Variants in SHQ1 observed in about 807,000 individuals in gnomAD.
SHQ1 encodes protein SHQ1 homolog.
SHQ1 carries 49 observed loss-of-function variants against 53.8 expected under a neutral mutation model. The observed-to-expected ratio is 0.91, with a 90% CI of 0.72 to 1.16. The LOEUF is 1.16. SHQ1 is among the 50% of genes most tolerant of loss of function. The probability of loss-of-function intolerance (pLI) is 0.00; values close to 1 mark genes in which losing one functional copy is unlikely to be tolerated. For missense variants in SHQ1, 738 were observed against 683.1 expected, an observed-to-expected ratio of 1.08 and a Z score of -0.90; for synonymous variants, 243 against 251.0, an observed-to-expected ratio of 0.97 and a Z score of 0.30.
At chr3:72,765,558 T>TATA (rs1491541493) in intron 10 of SHQ1, among the ~76,000 whole-genome samples, 67 of 63,456 alleles carry the variant, frequency 1.1e-3, no homozygotes, top group Middle Eastern at 6.8e-3. Context: ...TATATATATA[T>TATA]TTTTTTTTTT....
rs774953609 is a variant in SHQ1, at chr3:72,750,482, G to A, written c.1536C>T (p.Asn512=). Residue 512 remains asparagine (N), a synonymous_variant, in exon 11 of 11, where the codon AAC becomes AAT. Transcript: ENST00000325599. The part of the protein sequence containing the change: ...FLIVDGGVRR[N]TAIQESDASQ... ...TGGCATCAGACTCCTGGATGGCTGT[G>A]TTTCTGCGTACTCCACCATCAACAA... is the stretch of plus-strand genomic sequence containing the variant. 3.1e-6 allele frequency: 5 copies of A among 1,614,046 alleles called. No homozygotes were observed. The highest frequency in any genetic ancestry group is 4.2e-6 in the Non-Finnish European group (5 of 1,180,028).
At chr3:72,792,811 A>AAAAAC in intron 10 of SHQ1, 105 bp downstream of exon 10, 2 of 710,236 alleles carry the variant, frequency 2.8e-6, no homozygotes, top group South Asian at 1.9e-5. Context: ...AAAAAAAAAA[A>AAAAAC]CACAACTTAC....
Position 72,840,978 on chromosome 3 carries a change from T to A in SHQ1, c.486+67A>T, listed in dbSNP as rs546317068. 1.4e-4 allele frequency: 214 copies of A among 1,519,686 alleles called. No homozygotes were observed. In the African/African-American group the frequency reaches 2.7e-3, roughly 19 times the overall value. The allele number at this position is 1,519,686 out of a possible 1,614,324, so 94.1% of individuals were successfully genotyped here. On this transcript the variant is annotated intron_variant, in intron 4 of 10. Transcript: ENST00000325599. The stretch of plus-strand genomic sequence containing the variant: ...TTTTAAAAACTACCAAGTGTAAGCA[T>A]AACTGAAATTAAAATATCCAAATGG...
intron 10 of SHQ1, chr3:72,753,266 G>T (rs1705428190): frequency 2.0e-6 from 2 of 985,434 alleles, no homozygotes; most frequent in Non-Finnish European, 2.4e-6. Context: ...CAAACTGGAT[G>T]ACGGTGAGTT....
At chr3:72,796,145 A>AGG (rs1223862102) in intron 9 of SHQ1, among the ~76,000 whole-genome samples, 20 of 151,544 alleles carry the variant, frequency 1.3e-4, no homozygotes, top group East Asian at 7.8e-4. Flanking sequence ...AAGAAAATGC[A>AGG]GGATTTGGAG....
intron 10 of SHQ1, among the ~76,000 whole-genome samples, chr3:72,767,115 C>A (rs1190930337): frequency 3.3e-5 from 5 of 152,184 alleles, no homozygotes; most frequent in Admixed American, 1.3e-4. Flanking sequence ...GCCACAAACC[C>A]AAGCACTAAT....
intron 4 of SHQ1, among the ~76,000 whole-genome samples, chr3:72,835,101 A>G (rs573273482): frequency 2.9e-4 from 42 of 144,930 alleles, no homozygotes; most frequent in African/African-American, 9.0e-4. Context: ...TTCCTCCATC[A>G]GCTTCTTTTT....
intron 3 of SHQ1, 127 bp downstream of exon 3, chr3:72,842,153 A>T: frequency 1.0e-6 from 1 of 996,968 alleles, no homozygotes; most frequent in Non-Finnish European, 1.4e-6. Flanking sequence ...ATGGTTTCAC[A>T]TGATCACCTT....
At chr3:72,835,254 A>G (rs1252031609) in intron 4 of SHQ1, among the ~76,000 whole-genome samples, 1 of 151,862 alleles carries the variant, frequency 6.6e-6, no homozygotes, top group Non-Finnish European at 1.5e-5. Context: ...GGGGAAGGGG[A>G]CAGTTTTCTG....
chr3:72,817,193 GTCA>G, intron 7 of SHQ1, 34 bp downstream of exon 7: 1 of 1,592,318 alleles, frequency 6.3e-7, no homozygotes, highest in Non-Finnish European at 8.6e-7. Context: ...ACTCAGCACA[GTCA>G]TCTATGGCAA....
At position 72,832,496 on chromosome 3, in the gene SHQ1, A is replaced by C. The variant is rs1707855163; in HGVS notation, c.487-15T>G. ...CTCAGTTCATCCTGAGGACACCCAG[A>C]AAAGAAAGAATAATTGCTATCTCCT... On this transcript the variant is annotated splice_polypyrimidine_tract_variant and intron_variant, in intron 4 of 10. Transcript: ENST00000325599. 2.6e-6 allele frequency: 4 copies of C among 1,538,328 alleles called. No homozygotes were observed. Among genetic ancestry groups the C allele is most frequent in the African/African-American group, 2.8e-5 (2 of 71,960 alleles).
intron 5 of SHQ1, 85 bp from the exon 6 acceptor site, chr3:72,824,636 C>A: frequency 7.0e-7 from 1 of 1,432,398 alleles, no homozygotes. Flanking sequence ...CATATTTGTA[C>A]TAGAAATACA....
intron 9 of SHQ1, among the ~76,000 whole-genome samples, chr3:72,806,965 T>C (rs775567607): frequency 2.6e-5 from 4 of 152,206 alleles, no homozygotes; most frequent in Non-Finnish European, 4.4e-5. Context: ...CGTCCCCAAA[T>C]ACAGCCCACA....
At chr3:72,738,384 T>C in the SHQ1 span, among the ~76,000 whole-genome samples, 1 of 152,208 alleles carries the variant, frequency 6.6e-6, no homozygotes, top group African/African-American at 2.4e-5. Context: ...GGCCCTGTTT[T>C]TGATCGTCTT....
Position 72,824,531 on chromosome 3 carries a change from T to C in SHQ1, c.620A>G (p.Glu207Gly). Residue 207 changes from glutamate (E) to glycine (G), a missense_variant, in exon 6 of 11, where the codon GAG becomes GGG. Physicochemically the swap from Glu to Gly is moderately conservative, Grantham distance 98. Transcript: ENST00000325599. ...DHYLADFFED[E>G]AIEQILKYNP... Reference sequence around the variant, plus strand: ...ATACTTCAAAATCTGTTCAATCGCCTCATCTTCAAAAAAGTCAGCTCTAGG... The same window carrying C: ...ATACTTCAAAATCTGTTCAATCGCCCCATCTTCAAAAAAGTCAGCTCTAGG... 6.2e-7 allele frequency: 1 copy of C among 1,609,014 alleles called. No individual in the cohort carries two copies. Among genetic ancestry groups the C allele is most frequent in the Non-Finnish European group, 8.5e-7 (1 of 1,178,394 alleles).
chr3:72,731,735 A>G, the SHQ1 span, among the ~76,000 whole-genome samples: 1 of 151,490 alleles, frequency 6.6e-6, no homozygotes, highest in African/African-American at 2.4e-5. Context: ...CAGGCTATAC[A>G]AAAACAGGCA....
chr3:72,832,650 AC>A (rs1202046259), intron 4 of SHQ1, among the ~76,000 whole-genome samples, 169 bp from the exon 5 acceptor site: 1 of 152,234 alleles, frequency 6.6e-6, no homozygotes, highest in African/African-American at 2.4e-5. Flanking sequence ...AGCACCTACT[AC>A]TTGGTAGGGC....
At chr3:72,781,432 C>T (rs752176099) in intron 10 of SHQ1, among the ~76,000 whole-genome samples, 3 of 152,136 alleles carry the variant, frequency 2.0e-5, no homozygotes, top group Non-Finnish European at 2.9e-5. Flanking sequence ...GAAATAAACA[C>T]AATAATTAGA....
At chr3:72,730,070 G>A in the SHQ1 span, among the ~76,000 whole-genome samples, 7 of 151,950 alleles carry the variant, frequency 4.6e-5, no homozygotes, top group African/African-American at 7.2e-5. Context: ...CGCCTGCCTC[G>A]GCTTCCCAAA....
Sources: allele counts gnomAD v4.1 joint callset (sites outside exome capture counted in the v4.1 genomes callset), GRCh38; gene constraint gnomAD v4.1.1; transcripts MANE v1.5; gene names NCBI Gene and HGNC (gene_info 2026-07-23, HGNC 2026-07-21).